Variants in CRISPLD2 observed in about 807,000 individuals in gnomAD.
CRISPLD2 encodes cysteine rich secretory protein LCCL domain containing 2.
In CRISPLD2, 47 loss-of-function variants were observed where a neutral mutation model predicts 71.1. That is an observed-to-expected ratio of 0.66 (90% confidence interval 0.52 to 0.84). The LOEUF (loss-of-function observed/expected upper bound fraction) is 0.84. Ranked by LOEUF, CRISPLD2 falls within the 40% of genes least tolerant of loss-of-function variation. The pLI is 0.00. For synonymous variants in CRISPLD2, 317 were observed against 250.1 expected, an observed-to-expected ratio of 1.27 and a Z score of -2.52; for missense variants, 830 against 651.1, an observed-to-expected ratio of 1.27 and a Z score of -2.99.
chr16:84,900,474 G>T (rs2071743458), intron 14 of CRISPLD2, among the ~76,000 whole-genome samples: 1 of 151,944 alleles, frequency 6.6e-6, no homozygotes, highest in Non-Finnish European at 1.5e-5. Context: ...AAATGAAAAT[G>T]ATATCTGGAT....
chr16:84,839,073 A>T, intron 2 of CRISPLD2: 1 of 404,334 alleles, frequency 2.5e-6, no homozygotes, highest in Non-Finnish European at 4.8e-6. Context: ...TTTTGTGGAG[A>T]TGGGGGTCTT....
intron 2 of CRISPLD2, chr16:84,839,305 C>T (rs776420873): frequency 8.1e-5 from 21 of 259,024 alleles, no homozygotes; most frequent in Non-Finnish European, 1.5e-4. Context: ...CTCAGCCTTT[C>T]CCACCTGGAG....
intron 13 of CRISPLD2, among the ~76,000 whole-genome samples, chr16:84,888,077 C>G (rs2071628521): frequency 6.6e-6 from 1 of 152,190 alleles, no homozygotes; most frequent in African/African-American, 2.4e-5. Context: ...CTTTACAGTT[C>G]TGGAAGCCAG....
chr16:84,893,150 G>C (rs1331748313), intron 14 of CRISPLD2, among the ~76,000 whole-genome samples: 2 of 152,020 alleles, frequency 1.3e-5, no homozygotes, highest in African/African-American at 4.8e-5. Flanking sequence ...CGCTGCACTG[G>C]GGACACTGCT....
At chr16:84,898,230 T>G (rs2071723349) in intron 14 of CRISPLD2, among the ~76,000 whole-genome samples, 1 of 152,228 alleles carries the variant, frequency 6.6e-6, no homozygotes, top group African/African-American at 2.4e-5. Flanking sequence ...CCTAATGCAA[T>G]GCACAGTGTC....
intron 7 of CRISPLD2, among the ~76,000 whole-genome samples, chr16:84,867,807 T>G (rs772386612): frequency 8.5e-5 from 13 of 152,150 alleles, no homozygotes; most frequent in Non-Finnish European, 1.8e-4. Context: ...TATTGACTCT[T>G]CCCCTGCTCA....
chr16:84,891,842 G>A (rs1244032640), intron 14 of CRISPLD2, among the ~76,000 whole-genome samples: 1 of 152,160 alleles, frequency 6.6e-6, no homozygotes, highest in Non-Finnish European at 1.5e-5. Flanking sequence ...GTGGGGGGCT[G>A]TCGGTCTTTC....
chr16:84,849,049 G>A (rs1916998737), intron 3 of CRISPLD2, among the ~76,000 whole-genome samples: 1 of 151,864 alleles, frequency 6.6e-6, no homozygotes, highest in East Asian at 1.9e-4. Context: ...TGCACGTGCA[G>A]GTGGTGTATG....
At chr16:84,874,261 A>G (rs933830991) in intron 11 of CRISPLD2, among the ~76,000 whole-genome samples, 2 of 152,180 alleles carry the variant, frequency 1.3e-5, no homozygotes, top group African/African-American at 4.8e-5. Context: ...TGGGAGTGCC[A>G]CTTTCTGTCG....
chr16:84,884,688 G>A (rs771154847), intron 13 of CRISPLD2, among the ~76,000 whole-genome samples: 3 of 152,210 alleles, frequency 2.0e-5, no homozygotes, highest in Non-Finnish European at 2.9e-5. Context: ...TGATAACGGG[G>A]CGGTACCGGG....
At chr16:84,905,052 A>G (rs1035311598) in intron 14 of CRISPLD2, among the ~76,000 whole-genome samples, 6 of 152,112 alleles carry the variant, frequency 3.9e-5, no homozygotes, top group Non-Finnish European at 2.9e-5. Flanking sequence ...AGGCTGAGGC[A>G]GGAGGATCAC....
intron 14 of CRISPLD2, among the ~76,000 whole-genome samples, chr16:84,899,653 G>C (rs1457771860): frequency 6.6e-6 from 1 of 152,182 alleles, no homozygotes; most frequent in East Asian, 1.9e-4. Flanking sequence ...GGAAATACTT[G>C]CCCAGCTTGT....
Position 84,867,026 on chromosome 16 carries a change from C to T in CRISPLD2, c.839C>T (p.Ala280Val), listed in dbSNP as rs956902217. ...MRPTKPKKTSAVNYMTQVVRC... is the reference protein window; with the variant it reads ...MRPTKPKKTSVVNYMTQVVRC... ...CCCACCAAGCCCAAGAAAACCTCTG[C>T]GGTCAACTACATGAGTGAGTCTAGG... is the stretch of plus-strand genomic sequence containing the variant. Residue 280 changes from alanine (A) to valine (V), a missense_variant, in exon 7 of 15, where the codon GCG becomes GTG. Physicochemically the swap from Ala to Val is moderately conservative, Grantham distance 64 (BLOSUM62 0). Transcript: ENST00000262424. 9.9e-6 allele frequency: 16 copies of T among 1,614,038 alleles called. No homozygotes were observed. The highest frequency in any genetic ancestry group is 3.3e-5 in the South Asian group (3 of 91,074).
intron 6 of CRISPLD2, among the ~76,000 whole-genome samples, chr16:84,865,007 C>T (rs182283777): frequency 1.2e-4 from 18 of 152,240 alleles, no homozygotes; most frequent in African/African-American, 3.9e-4. Context: ...CCCAGGAAGG[C>T]GTCAGGGAGT....
chr16:84,830,838 T>TG (rs1916470526), intron 1 of CRISPLD2, among the ~76,000 whole-genome samples: 1 of 152,242 alleles, frequency 6.6e-6, no homozygotes, highest in Non-Finnish European at 1.5e-5. Flanking sequence ...ATCTGCGTGA[T>TG]GGAAAGGCTG....
chr16:84,842,814 G>T (rs1041934954), intron 2 of CRISPLD2, among the ~76,000 whole-genome samples: 7 of 152,184 alleles, frequency 4.6e-5, no homozygotes, highest in African/African-American at 7.2e-5. Context: ...CATCCCTGGT[G>T]GCTTGGCCTT....
chr16:84,895,310 C>A (rs2071696853), intron 14 of CRISPLD2, among the ~76,000 whole-genome samples: 1 of 152,208 alleles, frequency 6.6e-6, no homozygotes, highest in South Asian at 2.1e-4. Flanking sequence ...ACTTCCTCAG[C>A]CTGGACAGGC....
At chr16:84,877,009 G>A (rs1390489331) in intron 11 of CRISPLD2, among the ~76,000 whole-genome samples, 2 of 152,168 alleles carry the variant, frequency 1.3e-5, no homozygotes, top group African/African-American at 4.8e-5. Context: ...AGGAGCTCTA[G>A]AGCAGGCACT....
chr16:84,895,138 T>C (rs891635906), intron 14 of CRISPLD2, among the ~76,000 whole-genome samples: 4 of 152,234 alleles, frequency 2.6e-5, no homozygotes, highest in Middle Eastern at 6.8e-3. Context: ...CCAACAGCCC[T>C]GCAAAGTAGG....
Sources: allele counts gnomAD v4.1 joint callset (sites outside exome capture counted in the v4.1 genomes callset), GRCh38; gene constraint gnomAD v4.1.1; transcripts MANE v1.5; gene names NCBI Gene and HGNC (gene_info 2026-07-23, HGNC 2026-07-21).